MCC: variants seen among roughly 807,000 people sequenced by gnomAD.
MCC encodes colorectal mutant cancer protein.
In MCC, 90 loss-of-function variants were observed where a neutral mutation model predicts 116.2. The observed-to-expected ratio is 0.77, with a 90% confidence interval of 0.65 to 0.92. The LOEUF (loss-of-function observed/expected upper bound fraction) is 0.92. MCC is among the 40% of genes least tolerant of loss of function. The pLI, the probability that MCC is intolerant of heterozygous loss-of-function variation, is 0.00. For missense variants in MCC, 1,516 were observed against 1,312.2 expected, an observed-to-expected ratio of 1.16 and a Z score of -2.40; for synonymous variants, 578 against 510.5, an observed-to-expected ratio of 1.13 and a Z score of -1.78.
chr5:113,276,783 C>T (rs114955883), intron 3 of MCC, among the ~76,000 whole-genome samples: 4,863 of 150,778 alleles, frequency 0.032, 106 homozygotes, highest in East Asian at 0.074. Flanking sequence ...CTCGTCACCA[C>T]ACCCAACTAA....
intron 5 of MCC, among the ~76,000 whole-genome samples, chr5:113,128,172 C>T (rs963172146): frequency 6.6e-6 from 1 of 152,228 alleles, no homozygotes; most frequent in Admixed American, 6.5e-5. Context: ...TGTCATGTCA[C>T]TAACTATCCA....
In MCC at chr5:113,049,307, C is replaced by G. The variant is rs7726296; in HGVS notation, c.2449-8G>C. ...CAACTCGGCCATCTCCTCCTACAGA[C>G]AAAGGAGCACAGAGCACATGAGGCA... On this transcript the variant is annotated splice_region_variant and splice_polypyrimidine_tract_variant and intron_variant, in intron 15 of 18. Coordinates refer to ENST00000408903, the MANE Select transcript of MCC (RefSeq NM_001085377.2). 0.52 allele frequency: 806,938 copies of G among 1,565,180 alleles called. 209,494 individuals are homozygous for G. The highest frequency in any genetic ancestry group is 0.63 in the East Asian group (26,668 of 42,228).
intron 3 of MCC, among the ~76,000 whole-genome samples, chr5:113,286,951 T>C (rs567124831): frequency 1.3e-4 from 20 of 152,352 alleles, no homozygotes; most frequent in African/African-American, 4.1e-4. Flanking sequence ...GGTATCTCTG[T>C]AGTTCCAGTA....
chr5:113,197,774 T>C (rs984276340), intron 3 of MCC, among the ~76,000 whole-genome samples: 28 of 152,220 alleles, frequency 1.8e-4, no homozygotes, highest in African/African-American at 6.5e-4. Context: ...AGGCAGGGCA[T>C]AAGTAATCTG....
intron 12 of MCC, among the ~76,000 whole-genome samples, chr5:113,069,848 A>C (rs998206896): frequency 6.6e-6 from 1 of 152,236 alleles, no homozygotes; most frequent in Non-Finnish European, 1.5e-5. Flanking sequence ...GGCCTCCTAA[A>C]ATGCTGGGAT....
intron 3 of MCC, chr5:113,294,353 G>C (rs1478696803): frequency 6.2e-7 from 1 of 1,613,632 alleles, no homozygotes; most frequent in African/African-American, 1.3e-5. Context: ...CCGAGGAGTC[G>C]TTTCCATATT....
chr5:113,038,952 C>T (rs994359048), intron 17 of MCC, among the ~76,000 whole-genome samples: 2 of 152,148 alleles, frequency 1.3e-5, no homozygotes, highest in Non-Finnish European at 2.9e-5. Context: ...TATTCCAGTT[C>T]CCTGGAGGGC....
intron 2 of MCC, among the ~76,000 whole-genome samples, chr5:113,372,673 T>G (rs1182938052): frequency 6.6e-6 from 1 of 152,194 alleles, no homozygotes; most frequent in Non-Finnish European, 1.5e-5. Flanking sequence ...GTGATCACTA[T>G]ATTGTTCTGC....
At chr5:113,039,032 G>A (rs1751506147) in intron 17 of MCC, among the ~76,000 whole-genome samples, 9 of 152,186 alleles carry the variant, frequency 5.9e-5, no homozygotes, top group Admixed American at 5.9e-4. Flanking sequence ...GCTGACTCCT[G>A]CAGGTAGTAT....
chr5:113,074,318 C>T (rs1056956338), intron 11 of MCC, among the ~76,000 whole-genome samples: 18 of 152,190 alleles, frequency 1.2e-4, no homozygotes, highest in African/African-American at 4.3e-4. Context: ...AGCTGAGGGT[C>T]CTGACTATTA....
intron 3 of MCC, among the ~76,000 whole-genome samples, chr5:113,228,926 T>C (rs892956686): frequency 1.1e-4 from 17 of 152,078 alleles, no homozygotes; most frequent in Middle Eastern, 3.2e-3. Flanking sequence ...AATGGAAGGA[T>C]TGGGTTGCCA....
chr5:113,197,263 C>A (rs1463430639), intron 3 of MCC, among the ~76,000 whole-genome samples: 1 of 151,994 alleles, frequency 6.6e-6, no homozygotes, highest in East Asian at 1.9e-4. Flanking sequence ...TTTTCAGACC[C>A]CCAATTTTTT....
intron 3 of MCC, among the ~76,000 whole-genome samples, chr5:113,186,414 C>T (rs1761900409): frequency 6.6e-6 from 1 of 152,236 alleles, no homozygotes; most frequent in East Asian, 1.9e-4. Context: ...TTTCCCAAGG[C>T]CCGCAGCAGC....
intron 14 of MCC, 41 bp downstream of exon 14, chr5:113,063,943 G>A: frequency 6.3e-7 from 1 of 1,574,866 alleles, no homozygotes; most frequent in Non-Finnish European, 8.6e-7. Context: ...CAGATGCCAT[G>A]TGGACACACG....
At chr5:113,251,352 CA>C (rs1430641719) in intron 3 of MCC, among the ~76,000 whole-genome samples, 1 of 152,180 alleles carries the variant, frequency 6.6e-6, no homozygotes, top group Non-Finnish European at 1.5e-5. Flanking sequence ...TTCTCCCATT[CA>C]TTTGTGCTTG....
At chr5:113,232,207 C>T (rs1475430936) in intron 3 of MCC, among the ~76,000 whole-genome samples, 1 of 152,160 alleles carries the variant, frequency 6.6e-6, no homozygotes, top group Non-Finnish European at 1.5e-5. Context: ...TCACATCCAT[C>T]CACAGTGAAG....
intron 16 of MCC, among the ~76,000 whole-genome samples, chr5:113,047,555 T>C (rs1752178167): frequency 6.6e-6 from 1 of 152,210 alleles, no homozygotes; most frequent in Non-Finnish European, 1.5e-5. Flanking sequence ...CTGTTCCTTC[T>C]TTCCCAGGTA....
intron 3 of MCC, among the ~76,000 whole-genome samples, chr5:113,194,338 T>C (rs190989783): frequency 5.3e-4 from 81 of 152,164 alleles, no homozygotes; most frequent in African/African-American, 1.8e-3. Flanking sequence ...CATTGCCCCA[T>C]AGAAGAGAGA....
At chr5:113,406,982 T>C (rs749191516) in intron 1 of MCC, among the ~76,000 whole-genome samples, 2 of 152,210 alleles carry the variant, frequency 1.3e-5, no homozygotes, top group Admixed American at 1.3e-4. Flanking sequence ...TAACTATTTA[T>C]ATACTTAGTG....
Sources: gnomAD v4.1 joint callset for allele counts (sites outside exome capture counted in the v4.1 genomes callset) on GRCh38, gnomAD v4.1.1 for gene constraint, MANE v1.5 for transcripts, NCBI Gene and HGNC (gene_info 2026-07-23, HGNC 2026-07-21) for gene names.